Variants in GRIA2 observed in about 807,000 individuals in gnomAD.
GRIA2 encodes the protein glutamate receptor 2.
A neutral mutation model predicts 97.3 loss-of-function variants in GRIA2; 14 were observed. The observed-to-expected ratio is 0.14, with a 90% CI of 0.10 to 0.23. The LOEUF (loss-of-function observed/expected upper bound fraction) is 0.23. Ranked by LOEUF, GRIA2 falls within the 10% of genes least tolerant of loss-of-function variation. The pLI is 1.00. For synonymous variants in GRIA2, 412 were observed against 387.8 expected, an observed-to-expected ratio of 1.06 and a Z score of -0.73; for missense variants, 558 against 1,069.8, an observed-to-expected ratio of 0.52 and a Z score of 6.67.
At chr4:157,289,592 A>G (rs186211427) in intron 2 of GRIA2, among the ~76,000 whole-genome samples, 48 of 151,924 alleles carry the variant, frequency 3.2e-4, no homozygotes, top group Non-Finnish European at 6.0e-4. Flanking sequence ...TCTTCATTTA[A>G]CTTGTTACTT....
chr4:157,241,297 T>G (rs1278933191), intron 2 of GRIA2, among the ~76,000 whole-genome samples: 1 of 152,108 alleles, frequency 6.6e-6, no homozygotes, highest in Non-Finnish European at 1.5e-5. Context: ...GCCTAATTCT[T>G]GTTTTTTGTG....
intron 6 of GRIA2, among the ~76,000 whole-genome samples, chr4:157,322,203 G>C (rs147783356): frequency 0.013 from 1,889 of 151,008 alleles, 13 homozygotes; most frequent in South Asian, 0.018. Context: ...CACAAAGAGA[G>C]AGAGAGAGAA....
intron 2 of GRIA2, among the ~76,000 whole-genome samples, chr4:157,251,708 G>A (rs1731029803): frequency 6.6e-6 from 1 of 152,146 alleles, no homozygotes; most frequent in South Asian, 2.1e-4. Flanking sequence ...AACACTGTCA[G>A]TGGCAGAGAC....
chr4:157,358,912 C>A (rs1736513904), intron 12 of GRIA2, among the ~76,000 whole-genome samples: 1 of 152,070 alleles, frequency 6.6e-6, no homozygotes, highest in South Asian at 2.1e-4. Context: ...AACAAACCCC[C>A]CCCAAACCTC....
At chr4:157,349,335 C>T (rs1735901641) in intron 12 of GRIA2, among the ~76,000 whole-genome samples, 1 of 151,972 alleles carries the variant, frequency 6.6e-6, no homozygotes, top group Non-Finnish European at 1.5e-5. Flanking sequence ...TCCTGCGTTC[C>T]AGGGTTTTTG....
intron 12 of GRIA2, among the ~76,000 whole-genome samples, chr4:157,356,115 TTATA>T (rs1423123025): frequency 8.2e-6 from 1 of 121,992 alleles, no homozygotes; most frequent in African/African-American, 3.1e-5. Context: ...ATTTATTTAT[TTATA>T]TATATTTATA....
chr4:157,326,334 T>C (rs1209091498), intron 6 of GRIA2, among the ~76,000 whole-genome samples: 1 of 152,174 alleles, frequency 6.6e-6, no homozygotes, highest in Non-Finnish European at 1.5e-5. Context: ...TCCCAATTCT[T>C]ACCTTTTAGT....
At chr4:157,270,925 G>T (rs1487280420) in intron 2 of GRIA2, among the ~76,000 whole-genome samples, 77 of 145,202 alleles carry the variant, frequency 5.3e-4, no homozygotes, top group African/African-American at 1.9e-3. Context: ...ACTACAATTT[G>T]TTTTTTTTTT....
intron 3 of GRIA2, 27 bp from the exon 4 acceptor site, chr4:157,312,652 A>C (rs1734130783): frequency 7.5e-7 from 1 of 1,328,044 alleles, no homozygotes; most frequent in Non-Finnish European, 1.0e-6. Flanking sequence ...TATCTTTATC[A>C]GTCATCATTT....
chr4:157,330,288 A>G (rs1208297064), intron 6 of GRIA2, among the ~76,000 whole-genome samples: 1 of 152,000 alleles, frequency 6.6e-6, no homozygotes, highest in African/African-American at 2.4e-5. Flanking sequence ...TTTCTAAACT[A>G]TAGTCAACTA....
At chr4:157,360,966 A>C (rs1736606868) in intron 13 of GRIA2, 44 bp from the exon 14 acceptor site, 1 of 1,382,994 alleles carries the variant, frequency 7.2e-7, no homozygotes. Context: ...AAAAAGTCTA[A>C]AATTTGCTCA....
intron 2 of GRIA2, among the ~76,000 whole-genome samples, chr4:157,267,266 A>G (rs939005914): frequency 6.6e-6 from 1 of 151,816 alleles, no homozygotes; most frequent in Admixed American, 6.6e-5. Flanking sequence ...TCTACTAAAT[A>G]TACAAAAATT....
chr4:157,334,159 C>G (rs1735182970), intron 9 of GRIA2, 39 bp downstream of exon 9: 1 of 969,472 alleles, frequency 1.0e-6, no homozygotes, highest in African/African-American at 1.6e-5. Context: ...TTTGTATTTT[C>G]TTATGGCTAA....
At chr4:157,319,940 T>C (rs1159928264) in intron 5 of GRIA2, among the ~76,000 whole-genome samples, 5 of 152,064 alleles carry the variant, frequency 3.3e-5, no homozygotes, top group Non-Finnish European at 7.4e-5. Context: ...CCTTATAGAT[T>C]TAATTCTTTA....
chr4:157,263,898 T>G (rs1731656938), intron 2 of GRIA2, among the ~76,000 whole-genome samples: 1 of 152,130 alleles, frequency 6.6e-6, no homozygotes, highest in Non-Finnish European at 1.5e-5. Flanking sequence ...CAATTAACTT[T>G]ATTTTTCTTT....
chr4:157,280,983 A>C (rs1190221969), intron 2 of GRIA2, among the ~76,000 whole-genome samples: 1 of 151,968 alleles, frequency 6.6e-6, no homozygotes, highest in South Asian at 2.1e-4. Context: ...ACAGTCTCAA[A>C]GTCCATGATC....
intron 2 of GRIA2, among the ~76,000 whole-genome samples, chr4:157,282,521 G>A (rs759063677): frequency 6.6e-5 from 10 of 152,032 alleles, no homozygotes; most frequent in African/African-American, 1.9e-4. Context: ...ATGGATTTCC[G>A]AAGACCTGGT....
intron 2 of GRIA2, among the ~76,000 whole-genome samples, chr4:157,268,829 A>G (rs888395425): frequency 2.0e-5 from 3 of 152,020 alleles, no homozygotes; most frequent in Non-Finnish European, 4.4e-5. Flanking sequence ...TTATGAAAAA[A>G]TAGAAAGAAT....
intron 12 of GRIA2, among the ~76,000 whole-genome samples, chr4:157,351,599 G>C (rs1481619201): frequency 2.0e-5 from 3 of 152,076 alleles, no homozygotes; most frequent in Non-Finnish European, 4.4e-5. Context: ...CATGTGATAT[G>C]GCTAGCCTTT....
Sources: allele counts gnomAD v4.1 joint callset (sites outside exome capture counted in the v4.1 genomes callset), GRCh38; gene constraint gnomAD v4.1.1; transcripts MANE v1.5; gene names NCBI Gene and HGNC (gene_info 2026-07-23, HGNC 2026-07-21).